CD9: variants seen among roughly 807,000 people sequenced by gnomAD.
The protein encoded by CD9 is CD9 molecule.
CD9 carries 10 observed loss-of-function variants against 31.4 expected under a neutral mutation model. That is an observed-to-expected ratio of 0.32 (90% CI 0.20 to 0.54). CD9 has a LOEUF of 0.54. CD9 is among the 20% of genes least tolerant of loss of function. The probability of loss-of-function intolerance (pLI) is 0.94; values close to 1 mark genes in which losing one functional copy is unlikely to be tolerated. For missense variants in CD9, 259 were observed against 300.1 expected (o/e 0.86, Z 1.01); for synonymous variants, 113 against 114.1 (o/e 0.99, Z 0.06).
chr12:6,210,898 G>T (rs1217215214), intron 1 of CD9, among the ~76,000 whole-genome samples: 1 of 150,284 alleles, frequency 6.7e-6, no homozygotes, highest in Non-Finnish European at 1.5e-5. Flanking sequence ...GTGCAGTGGC[G>T]TGGTCTTGGG....
At chr12:6,234,465 C>T (rs1390488900) in intron 4 of CD9, 1 of 146,638 alleles carries the variant, frequency 6.8e-6, no homozygotes. Flanking sequence ...CAAGGGAACT[C>T]TGTTTAAAAA....
At position 6,200,574 on chromosome 12, in the gene CD9, G is replaced by A. The variant is rs1319939228; in HGVS notation, c.66+9G>A. ...TTAACTTCATCTTCTGGGTGAGTGA[G>A]CGCGACTGCCGCGCGCTCCTCTCAG... On this transcript the variant is annotated intron_variant, in intron 1 of 7. Transcript: ENST00000009180. The A allele has an allele frequency of 1.3e-6, 2 of 1,596,844 alleles. No individual in the cohort carries two copies. Among genetic ancestry groups the A allele is most frequent in the African/African-American group, 1.3e-5 (1 of 74,436 alleles).
At chr12:6,221,242 A>C (rs1340541800) in intron 1 of CD9, among the ~76,000 whole-genome samples, 1 of 152,230 alleles carries the variant, frequency 6.6e-6, no homozygotes, top group Non-Finnish European at 1.5e-5. Flanking sequence ...TTTTCCCAGC[A>C]AAACCAGAAT....
rs111302912 is a variant in CD9, at chr12:6,213,864, G to T, written c.67-11562G>T. ...TCCCTCCCTCTTGGCCCCCACCAGG[G>T]CTAGGGTCAACACCCCAAATTGAAA... On this transcript the variant is annotated intron_variant, in intron 1 of 7. Coordinates refer to ENST00000009180, the MANE Select transcript of CD9 (RefSeq NM_001769.4). Among the ~76,000 whole-genome samples the T allele has an allele frequency of 4.4e-3, 671 of 152,056 alleles. 4 individuals carry two copies. The highest frequency in any genetic ancestry group is 0.014 in the African/African-American group (577 of 41,346).
chr12:6,225,679 T>C (rs1946355985), intron 2 of CD9, 145 bp downstream of exon 2: 1 of 601,042 alleles, frequency 1.7e-6, no homozygotes. Context: ...CCCTTTCAAG[T>C]TGTGCAGTTT....
At chr12:6,237,679 C>A in intron 7 of CD9, 84 bp from the exon 8 acceptor site, 2 of 985,832 alleles carry the variant, frequency 2.0e-6, no homozygotes, top group Non-Finnish European at 3.2e-6. Context: ...TTTTCTTGGA[C>A]TGGGTGACCC....
intron 1 of CD9, among the ~76,000 whole-genome samples, chr12:6,212,588 G>C (rs2136608874): frequency 6.6e-6 from 1 of 152,360 alleles, no homozygotes; most frequent in South Asian, 2.1e-4. Context: ...CCCCTGGAAA[G>C]GGAGGCCACA....
intron 7 of CD9, 37 bp from the exon 8 acceptor site, chr12:6,237,726 A>C: frequency 1.3e-6 from 2 of 1,543,288 alleles, no homozygotes; most frequent in Non-Finnish European, 1.8e-6. Flanking sequence ...CTTCAGATCA[A>C]ACCACCCTGA....
At chr12:6,210,678 G>A (rs976366117) in intron 1 of CD9, among the ~76,000 whole-genome samples, 2 of 152,076 alleles carry the variant, frequency 1.3e-5, no homozygotes, top group African/African-American at 2.4e-5. Context: ...GGGGAAACAG[G>A]CAAAAGGGAA....
At position 6,232,201 on chromosome 12, in the gene CD9, G is replaced by A. The variant is rs565381753; in HGVS notation, c.176-431G>A. On this transcript the variant is annotated intron_variant, in intron 2 of 7. Coordinates refer to ENST00000009180, the MANE Select transcript of CD9 (RefSeq NM_001769.4). This position sits in a 1 kb window ranked among gnomAD's most constrained non-coding sequence, Gnocchi z 4.8. ...CCTGCTGGAAATCTGCTCTGACAGC[G>A]TCCTCTGTAAGGCAGGGTCCCAGAA... 1.9e-4 allele frequency: 39 copies of A among 208,392 alleles called. No individual in the cohort carries two copies. The highest frequency in any genetic ancestry group is 8.5e-4 in the African/African-American group (36 of 42,288). 12.9% of individuals were successfully genotyped at this position (208,392 alleles called of 1,614,324 possible). A position where few individuals can be genotyped will look rare whatever the true frequency, so the allele number is the denominator to read the frequency against.
chr12:6,235,594 C>T (rs1177861800), intron 6 of CD9, 29 bp downstream of exon 6: 34 of 1,589,770 alleles, frequency 2.1e-5, no homozygotes, highest in Non-Finnish European at 2.7e-5. Flanking sequence ...CCTGGTGTCC[C>T]TGCCCCCATT....
At position 6,235,315 on chromosome 12, in the gene CD9, C is replaced by T; in HGVS notation, c.435C>T (p.Ala145=). The change falls in exon 5 of 8, where the codon GCC becomes GCT. Residue 145 remains alanine (A), a synonymous_variant. Transcript: ENST00000009180. The part of the protein sequence containing the change: ...KDEPQRETLK[A]IHYALNCCGL... ...AGCCCCAGCGGGAAACGCTGAAAGCCATCCACTATGCGGTATGTCGCCTTG... is the reference window on the plus strand; with the variant it reads ...AGCCCCAGCGGGAAACGCTGAAAGCTATCCACTATGCGGTATGTCGCCTTG... 1 of 1,614,252 alleles carries T rather than the reference C, an allele frequency of 6.2e-7. No individual in the cohort carries two copies. Among genetic ancestry groups the T allele is most frequent in the Middle Eastern group, 1.6e-4 (1 of 6,062 alleles).
chr12:6,225,309 G>C (rs1946349635), intron 1 of CD9, 117 bp from the exon 2 acceptor site: 1 of 696,354 alleles, frequency 1.4e-6, no homozygotes, highest in African/African-American at 1.8e-5. Context: ...AGGCGTATAT[G>C]AGGGGCAGAG....
intron 1 of CD9, among the ~76,000 whole-genome samples, chr12:6,208,235 A>AG (rs1381461478): frequency 6.6e-6 from 1 of 151,780 alleles, no homozygotes; most frequent in East Asian, 1.9e-4. Flanking sequence ...AAAAAAAAAA[A>AG]AAAAAGAAAA....
intron 1 of CD9, among the ~76,000 whole-genome samples, chr12:6,211,369 T>G (rs540188339): frequency 6.6e-6 from 1 of 152,290 alleles, no homozygotes; most frequent in East Asian, 1.9e-4. Context: ...GACAAGAGTT[T>G]GGGGATCTTG....
chr12:6,229,716 C>T (rs1162884533), intron 2 of CD9, among the ~76,000 whole-genome samples: 2 of 151,880 alleles, frequency 1.3e-5, no homozygotes, highest in Non-Finnish European at 2.9e-5. Flanking sequence ...GCTGTGTCCT[C>T]TCCCTGGGCT....
chr12:6,212,793 G>A (rs1266898719), intron 1 of CD9, among the ~76,000 whole-genome samples: 1 of 152,182 alleles, frequency 6.6e-6, no homozygotes, highest in Admixed American at 6.5e-5. Context: ...GAAGGCAGAA[G>A]TTGGCCTCCC....
Position 6,236,201 on chromosome 12 carries a change from G to A in CD9, c.547G>A (p.Asp183Asn), listed in dbSNP as rs772895816. Residue 183 changes from aspartate (D) to asparagine (N), a missense_variant, in exon 7 of 8, where the codon GAT (aspartate) becomes AAT (asparagine). Asp to Asn is a conservative substitution (Grantham distance 23). Transcript: ENST00000009180. ...GGTTTGTCTCCCCAAGTCCTGTCCT[G>A]ATGCCATCAAAGAGGTCTTCGACAA... ...LETFTVKSCP[D>N]AIKEVFDNKF... The A allele has an allele frequency of 1.2e-6, 2 of 1,614,188 alleles. No individual in the cohort carries two copies. The highest frequency in any genetic ancestry group is 4.5e-5 in the East Asian group (2 of 44,872).
At chr12:6,216,476 C>T (rs1335432417) in intron 1 of CD9, among the ~76,000 whole-genome samples, 2 of 152,170 alleles carry the variant, frequency 1.3e-5, no homozygotes, top group Admixed American at 6.5e-5. Flanking sequence ...TCCTCTCCTG[C>T]CCAACCCAGG....
Sources: gnomAD v4.1 joint callset for allele counts (sites outside exome capture counted in the v4.1 genomes callset) on GRCh38, gnomAD v4.1.1 for gene constraint, Gnocchi (gnomAD v3.1) non-coding constraint, MANE v1.5 for transcripts, NCBI Gene and HGNC (gene_info 2026-07-23, HGNC 2026-07-21) for gene names.